SORCS3: variants seen among roughly 807,000 people sequenced by gnomAD.
The protein encoded by SORCS3 is VPS10 domain-containing receptor SorCS3.
In SORCS3, 57 loss-of-function variants were observed where a neutral mutation model predicts 146.3. The observed-to-expected ratio is 0.39, with a 90% CI of 0.31 to 0.49. SORCS3 has a LOEUF of 0.49. Ranked by LOEUF, SORCS3 falls within the 20% of genes least tolerant of loss-of-function variation. The pLI, the probability that SORCS3 is intolerant of heterozygous loss-of-function variation, is 0.92. For synonymous variants in SORCS3, 653 were observed against 618.5 expected (o/e 1.06, Z -0.83); for missense variants, 1,341 against 1,575.5 (o/e 0.85, Z 2.52).
intron 3 of SORCS3, among the ~76,000 whole-genome samples, chr10:104,940,547 T>A (rs2019310490): frequency 6.6e-6 from 1 of 151,840 alleles, no homozygotes; most frequent in Non-Finnish European, 1.5e-5. Flanking sequence ...TCCAGCTTCA[T>A]CCATGTCCCT....
chr10:104,905,231 T>C (rs559946035), intron 2 of SORCS3, among the ~76,000 whole-genome samples: 1 of 152,186 alleles, frequency 6.6e-6, no homozygotes, highest in Non-Finnish European at 1.5e-5. Flanking sequence ...AAGAGATAAA[T>C]GAAGTTTTAG....
chr10:104,712,062 C>T (rs2016424065), intron 1 of SORCS3, among the ~76,000 whole-genome samples: 2 of 152,132 alleles, frequency 1.3e-5, no homozygotes, highest in South Asian at 4.2e-4. Flanking sequence ...CTCCCCTTTC[C>T]TACTCTCGTG....
At chr10:104,869,856 C>T (rs2018500245) in intron 2 of SORCS3, among the ~76,000 whole-genome samples, 1 of 152,258 alleles carries the variant, frequency 6.6e-6, no homozygotes, top group Non-Finnish European at 1.5e-5. Flanking sequence ...CTGCAAGCTG[C>T]TAGCCCTGAA....
At chr10:104,990,434 G>A (rs891267450) in intron 4 of SORCS3, among the ~76,000 whole-genome samples, 2 of 152,114 alleles carry the variant, frequency 1.3e-5, no homozygotes, top group Admixed American at 1.3e-4. Flanking sequence ...CTCCTGGGGA[G>A]ACTCTAACCA....
At chr10:105,195,648 A>G (rs1299111671) in intron 14 of SORCS3, among the ~76,000 whole-genome samples, 1 of 152,218 alleles carries the variant, frequency 6.6e-6, no homozygotes, top group East Asian at 1.9e-4. Context: ...AGCTGGGTCT[A>G]TACAAAAGTG....
intron 1 of SORCS3, among the ~76,000 whole-genome samples, chr10:104,662,907 C>T (rs961743193): frequency 3.3e-5 from 5 of 152,182 alleles, no homozygotes; most frequent in Non-Finnish European, 7.3e-5. Context: ...ATGTAATTAG[C>T]AGTGGCATCA....
At chr10:104,809,841 G>A (rs1051991713) in intron 1 of SORCS3, among the ~76,000 whole-genome samples, 1 of 152,200 alleles carries the variant, frequency 6.6e-6, no homozygotes, top group Non-Finnish European at 1.5e-5. Flanking sequence ...AGCATATGAG[G>A]TTAAGGATGG....
At chr10:105,021,970 T>G (rs2133689248) in intron 4 of SORCS3, among the ~76,000 whole-genome samples, 1 of 152,328 alleles carries the variant, frequency 6.6e-6, no homozygotes, top group East Asian at 1.9e-4. Flanking sequence ...AATGTATGAT[T>G]CCAACTATGA....
chr10:105,249,245 G>A (rs1422384838), intron 22 of SORCS3, among the ~76,000 whole-genome samples: 2 of 152,192 alleles, frequency 1.3e-5, no homozygotes, highest in African/African-American at 4.8e-5. Context: ...GACTTTTAAT[G>A]TAAGTCTGGA....
chr10:105,149,081 G>A (rs1051971664), intron 9 of SORCS3, among the ~76,000 whole-genome samples: 7 of 152,086 alleles, frequency 4.6e-5, no homozygotes, highest in Admixed American at 2.6e-4. Flanking sequence ...GCTTTCCACT[G>A]TGATTGTAAG....
chr10:105,070,206 A>G (rs1443213853), intron 5 of SORCS3, among the ~76,000 whole-genome samples: 3 of 152,254 alleles, frequency 2.0e-5, no homozygotes, highest in Admixed American at 1.3e-4. Flanking sequence ...AGGTATGGAC[A>G]TTTATCAATA....
intron 4 of SORCS3, among the ~76,000 whole-genome samples, chr10:105,041,075 G>GTATA (rs1274783561): frequency 1.4e-5 from 2 of 146,544 alleles, no homozygotes; most frequent in South Asian, 2.1e-4. Flanking sequence ...ATATATGTAT[G>GTATA]TATGTATATA....
At chr10:104,957,898 A>G (rs761212879) in intron 3 of SORCS3, among the ~76,000 whole-genome samples, 1 of 152,042 alleles carries the variant, frequency 6.6e-6, no homozygotes, top group Non-Finnish European at 1.5e-5. Flanking sequence ...AACAACCAAA[A>G]CACCCTAAAA....
Position 105,073,434 on chromosome 10 carries a change from T to A in SORCS3, c.1029-16341T>A, listed in dbSNP as rs1377291181. ...CTGGTACACACGTAGAGGATCTAAC[T>A]GATTAATGCTGGTGTGCTCTGCAGC... On this transcript the variant is annotated intron_variant, in intron 5 of 26. Transcript: ENST00000369701. 2.0e-5 allele frequency among the ~76,000 whole-genome samples: 3 copies of A among 152,188 alleles called. No individual in the cohort carries two copies. The East Asian group carries it at 5.8e-4, about 29-fold the overall frequency.
rs142533455 is a variant in SORCS3 at position 105,006,435 on chromosome 10, T to G, written c.954+28942T>G. ...CTTCATCCCTCTCTCACATGGATTA[T>G]TGTAACAACCTCTTCCTCCCTAATC... On this transcript the variant is annotated intron_variant, in intron 4 of 26. Transcript: ENST00000369701. 3.6e-4 allele frequency among the ~76,000 whole-genome samples: 55 copies of G among 152,292 alleles called. No individual in the cohort carries two copies. The East Asian group carries it at 9.3e-3, about 26-fold the overall frequency.
rs971018334 is a variant in SORCS3 at position 105,122,035 on chromosome 10, G to A, written c.1212+16520G>A. On this transcript the variant is annotated intron_variant, in intron 7 of 26. Coordinates refer to ENST00000369701, the MANE Select transcript of SORCS3 (RefSeq NM_014978.3). Reference sequence around the variant, plus strand: ...TTCCTTCCCTTCCACATGCCAGCAAGTCTTCCACACCCCCTCTGCTAAGCC... The same window carrying A: ...TTCCTTCCCTTCCACATGCCAGCAAATCTTCCACACCCCCTCTGCTAAGCC... 2.0e-5 allele frequency among the ~76,000 whole-genome samples: 3 copies of A among 152,082 alleles called. No homozygotes were observed. In the East Asian group the frequency reaches 5.8e-4, roughly 29 times the overall value.
intron 20 of SORCS3, among the ~76,000 whole-genome samples, chr10:105,242,660 TTA>T (rs1283486192): frequency 7.8e-5 from 8 of 102,910 alleles, no homozygotes; most frequent in Non-Finnish European, 1.2e-4. Flanking sequence ...TTATATACAT[TTA>T]TATATATTTA....
chr10:105,031,561 A>G (rs11595622), intron 4 of SORCS3, among the ~76,000 whole-genome samples: 20,254 of 152,194 alleles, frequency 0.13, 1,618 homozygotes, highest in Middle Eastern at 0.19. Flanking sequence ...ATGTTCATCC[A>G]TCTTCTGCTG....
intron 3 of SORCS3, among the ~76,000 whole-genome samples, chr10:104,963,036 T>C (rs574029968): frequency 1.6e-4 from 24 of 152,328 alleles, no homozygotes; most frequent in African/African-American, 5.5e-4. Context: ...TAATATTCCA[T>C]TGAATGGCTT....
Sources: gnomAD v4.1 joint callset for allele counts (sites outside exome capture counted in the v4.1 genomes callset) on GRCh38, gnomAD v4.1.1 for gene constraint, MANE v1.5 for transcripts, NCBI Gene and HGNC (gene_info 2026-07-23, HGNC 2026-07-21) for gene names.